Variants in FAM193A observed in about 807,000 individuals in gnomAD.
FAM193A encodes the protein protein FAM193A.
A neutral mutation model predicts 126.5 loss-of-function variants in FAM193A; 22 were observed. The observed-to-expected ratio is 0.17, with a 90% CI of 0.12 to 0.25. The LOEUF (loss-of-function observed/expected upper bound fraction) is 0.25. FAM193A is among the 10% of genes least tolerant of loss of function. The probability of loss-of-function intolerance (pLI) is 1.00; values close to 1 mark genes in which losing one functional copy is unlikely to be tolerated. For missense variants in FAM193A, 1,675 were observed against 1,672.8 expected (o/e 1.00, Z -0.02); for synonymous variants, 761 against 646.8 (o/e 1.18, Z -2.68).
intron 12 of FAM193A, among the ~76,000 whole-genome samples, chr4:2,670,070 C>T (rs1713611224): frequency 6.6e-6 from 1 of 152,174 alleles, no homozygotes; most frequent in Non-Finnish European, 1.5e-5. Flanking sequence ...CTTGGTTCTG[C>T]ACATGCTGGA....
Position 2,696,430 on chromosome 4 carries a change from A to G in FAM193A, c.3344A>G (p.Lys1115Arg). 1.9e-6 allele frequency: 3 copies of G among 1,614,260 alleles called. No homozygotes were observed. Among genetic ancestry groups the G allele is most frequent in the Non-Finnish European group, 2.5e-6 (3 of 1,180,044 alleles). The change falls in exon 18 of 21, where the codon AAG (lysine) becomes AGG (arginine). Residue 1115 changes from lysine (K) to arginine (R), a missense_variant. Transcript: ENST00000637812. ...MREKLRLRLTKRKEEQPKKMD... is the reference protein window; with the variant it reads ...MREKLRLRLTRRKEEQPKKMD... ...GAAAAGCTTCGCTTACGGCTGACCA[A>G]GAGGAAAGAGGAGCAACCTAAAAAA...
intron 20 of FAM193A, among the ~76,000 whole-genome samples, chr4:2,730,983 G>A (rs1721314173): frequency 6.6e-6 from 1 of 151,984 alleles, no homozygotes; most frequent in Admixed American, 6.6e-5. Flanking sequence ...GATCACTTTA[G>A]GTCAGGAGTA....
chr4:2,728,008 C>A (rs1341671155), intron 20 of FAM193A, among the ~76,000 whole-genome samples: 2 of 151,600 alleles, frequency 1.3e-5, no homozygotes, highest in Admixed American at 1.3e-4. Flanking sequence ...CTTGGCTCAC[C>A]GCAACCTCCG....
chr4:2,639,900 G>C (rs375937823), intron 6 of FAM193A, 41 bp downstream of exon 6: 2 of 1,589,910 alleles, frequency 1.3e-6, no homozygotes, highest in Non-Finnish European at 1.7e-6. Context: ...TGGTGTGACA[G>C]CACAGTCTTT....
At chr4:2,578,383 A>T (rs928310592) in intron 1 of FAM193A, among the ~76,000 whole-genome samples, 3 of 151,874 alleles carry the variant, frequency 2.0e-5, no homozygotes, top group African/African-American at 7.3e-5. Context: ...ATTACTGTGC[A>T]CTAGACTCTG....
chr4:2,598,020 T>C (rs975643556), intron 2 of FAM193A, among the ~76,000 whole-genome samples: 4 of 152,164 alleles, frequency 2.6e-5, no homozygotes, highest in Non-Finnish European at 5.9e-5. Flanking sequence ...TTCTTCTGCC[T>C]CAGCCTCCCC....
At chr4:2,628,853 C>CT (rs71178496) in intron 4 of FAM193A, among the ~76,000 whole-genome samples, 9,229 of 71,666 alleles carry the variant, frequency 0.13, 456 homozygotes, top group South Asian at 0.19. Flanking sequence ...CTGTCTCTCT[C>CT]TTTTTTTTTT....
At chr4:2,559,793 C>T (rs1044657795) in intron 1 of FAM193A, among the ~76,000 whole-genome samples, 3 of 152,176 alleles carry the variant, frequency 2.0e-5, no homozygotes, top group Non-Finnish European at 4.4e-5. Context: ...GACAGCTGAG[C>T]GTCCTTGCCG....
chr4:2,606,917 A>G (rs1216408900), intron 2 of FAM193A, among the ~76,000 whole-genome samples: 1 of 152,228 alleles, frequency 6.6e-6, no homozygotes, highest in African/African-American at 2.4e-5. Flanking sequence ...ATTGGTCACA[A>G]ATAGTGCCAA....
intron 1 of FAM193A, among the ~76,000 whole-genome samples, chr4:2,549,208 G>T (rs1330808085): frequency 6.6e-6 from 1 of 151,596 alleles, no homozygotes; most frequent in Non-Finnish European, 1.5e-5. Flanking sequence ...CAAAGTGCTG[G>T]GATACAGGTG....
At chr4:2,721,423 AGCTTCAGTGAGCTATGCTTAC>A (rs1720142188) in intron 20 of FAM193A, among the ~76,000 whole-genome samples, 1 of 151,832 alleles carries the variant, frequency 6.6e-6, no homozygotes. Context: ...AGGAGTTTGA[AGCTTCAGTGAGCTATGCTTAC>A]GCCACCTCAC....
chr4:2,700,656 T>C, intron 19 of FAM193A, 112 bp downstream of exon 19: 1 of 1,361,902 alleles, frequency 7.3e-7, no homozygotes, highest in Non-Finnish European at 1.0e-6. Flanking sequence ...GTGGCCTCCC[T>C]CCTGTAGAAA....
intron 2 of FAM193A, among the ~76,000 whole-genome samples, chr4:2,624,625 A>G (rs1266486001): frequency 6.6e-6 from 1 of 152,190 alleles, no homozygotes; most frequent in African/African-American, 2.4e-5. Flanking sequence ...GTGCCCACTG[A>G]GGTGGTCATT....
intron 1 of FAM193A, among the ~76,000 whole-genome samples, chr4:2,549,738 T>A (rs906748718): frequency 1.3e-5 from 2 of 150,658 alleles, no homozygotes; most frequent in African/African-American, 4.9e-5. Context: ...TACTTTTTTG[T>A]TTTCTTTGAG....
At chr4:2,551,842 GTTTTA>G (rs1015207287) in intron 1 of FAM193A, among the ~76,000 whole-genome samples, 6 of 150,124 alleles carry the variant, frequency 4.0e-5, no homozygotes, top group Non-Finnish European at 5.9e-5. Context: ...TTATTTTTAT[GTTTTA>G]TTTTATTTTA....
intron 1 of FAM193A, among the ~76,000 whole-genome samples, chr4:2,558,205 GT>G (rs1165536856): frequency 1.2e-4 from 18 of 151,696 alleles, no homozygotes; most frequent in African/African-American, 4.4e-4. Flanking sequence ...CGGGGAGGAG[GT>G]TGCAGTGAGC....
At chr4:2,569,640 G>A (rs573141594) in intron 1 of FAM193A, among the ~76,000 whole-genome samples, 1 of 151,906 alleles carries the variant, frequency 6.6e-6, no homozygotes, top group East Asian at 1.9e-4. Context: ...TGGGACCACA[G>A]GCATGCACCA....
intron 1 of FAM193A, among the ~76,000 whole-genome samples, chr4:2,543,928 T>G (rs1226298046): frequency 6.7e-6 from 1 of 148,942 alleles, no homozygotes; most frequent in African/African-American, 2.5e-5. Flanking sequence ...GCGTATCCTC[T>G]GCTTTGATGG....
chr4:2,547,845 G>A (rs557139549), intron 1 of FAM193A, among the ~76,000 whole-genome samples: 7 of 151,018 alleles, frequency 4.6e-5, no homozygotes, highest in Admixed American at 2.6e-4. Context: ...GGCTGGTCTC[G>A]AACTCTTGAA....
Sources: gnomAD v4.1 joint callset for allele counts (sites outside exome capture counted in the v4.1 genomes callset) on GRCh38, gnomAD v4.1.1 for gene constraint, MANE v1.5 for transcripts, NCBI Gene and HGNC (gene_info 2026-07-23, HGNC 2026-07-21) for gene names.